PDE6A: variants seen among roughly 807,000 people sequenced by gnomAD.
PDE6A encodes the protein phosphodiesterase 6A, also known as rod cGMP-specific 3',5'-cyclic phosphodiesterase subunit alpha.
In PDE6A, 84 loss-of-function variants were observed where a neutral mutation model predicts 106.3. The observed-to-expected ratio is 0.79, with a 90% CI of 0.66 to 0.95. The LOEUF is 0.95. PDE6A is among the 40% of genes least tolerant of loss of function. The pLI is 0.00. For missense variants in PDE6A, 1,052 were observed against 1,084.9 expected, an observed-to-expected ratio of 0.97 and a Z score of 0.43; for synonymous variants, 394 against 386.6, an observed-to-expected ratio of 1.02 and a Z score of -0.23.
intron 8 of PDE6A, among the ~76,000 whole-genome samples, chr5:149,902,159 A>T (rs976195944): frequency 1.3e-5 from 2 of 152,108 alleles, no homozygotes; most frequent in African/African-American, 2.4e-5. Flanking sequence ...ACCTCTCTAG[A>T]ATCTTCTCCT....
chr5:149,882,319 C>G (rs938264102), intron 17 of PDE6A, among the ~76,000 whole-genome samples: 1 of 151,926 alleles, frequency 6.6e-6, no homozygotes, highest in Non-Finnish European at 1.5e-5. Context: ...ATTTGCAATG[C>G]TTGTGACTTA....
At chr5:149,906,740 C>T (rs1381686772) in intron 7 of PDE6A, among the ~76,000 whole-genome samples, 2 of 151,714 alleles carry the variant, frequency 1.3e-5, no homozygotes, top group Admixed American at 6.6e-5. Context: ...TTTATGACCC[C>T]ATCTGCCTAA....
chr5:149,925,455 C>A (rs1225569187), intron 4 of PDE6A, among the ~76,000 whole-genome samples: 1 of 152,118 alleles, frequency 6.6e-6, no homozygotes, highest in Non-Finnish European at 1.5e-5. Context: ...GCCTGTAATA[C>A]CAGCACTTTG....
At position 149,877,606 on chromosome 5, in the gene PDE6A, C is replaced by T. The variant is rs187516837; in HGVS notation, c.2135+5823G>A. On this transcript the variant is annotated intron_variant, in intron 17 of 21. Coordinates refer to ENST00000255266, the MANE Select transcript of PDE6A (RefSeq NM_000440.3). ...TGTATTTTTAGTAGAGATGGAGACTCCCCATGTCGGCCAGACTGGTCTCGA... is the reference window on the plus strand; with the variant it reads ...TGTATTTTTAGTAGAGATGGAGACTTCCCATGTCGGCCAGACTGGTCTCGA... Among the ~76,000 whole-genome samples the T allele has an allele frequency of 2.0e-5, 3 of 152,214 alleles. 1 individual carries two copies. Among genetic ancestry groups the T allele is most frequent in the Admixed American group, 1.3e-4 (2 of 15,294 alleles).
intron 8 of PDE6A, among the ~76,000 whole-genome samples, chr5:149,902,427 T>C (rs10036165): frequency 0.41 from 61,740 of 151,578 alleles, 16,445 homozygotes; most frequent in African/African-American, 0.76. Context: ...AAGACTATGC[T>C]TGTCTGGCCC....
intron 1 of PDE6A, among the ~76,000 whole-genome samples, chr5:149,938,307 C>T (rs1376395934): frequency 6.6e-6 from 1 of 151,934 alleles, no homozygotes; most frequent in Non-Finnish European, 1.5e-5. Context: ...TTCTAGCCTG[C>T]TAGGTCTCAG....
chr5:149,924,606 C>T (rs1753822477), intron 4 of PDE6A, among the ~76,000 whole-genome samples: 1 of 152,132 alleles, frequency 6.6e-6, no homozygotes, highest in Admixed American at 6.5e-5. Context: ...ATTCCTACTT[C>T]TGTTCATGAT....
chr5:149,885,451 T>C (rs1561710128), intron 14 of PDE6A, among the ~76,000 whole-genome samples: 1 of 152,228 alleles, frequency 6.6e-6, no homozygotes, highest in Non-Finnish European at 1.5e-5. Flanking sequence ...TCCAATGAGA[T>C]CATGGTTCAA....
intron 4 of PDE6A, among the ~76,000 whole-genome samples, chr5:149,924,452 A>ATAT (rs557284769): frequency 1.0e-4 from 15 of 149,218 alleles, no homozygotes; most frequent in East Asian, 3.9e-4. Flanking sequence ...TAGAAATAGA[A>ATAT]ATATATATAT....
chr5:149,914,318 C>A (rs993298046), intron 6 of PDE6A, among the ~76,000 whole-genome samples: 1 of 152,216 alleles, frequency 6.6e-6, no homozygotes, highest in Non-Finnish European at 1.5e-5. Context: ...CTCTAACCAA[C>A]TGTGGGGTCT....
chr5:149,942,585 G>A (rs772946987), intron 1 of PDE6A, among the ~76,000 whole-genome samples: 2 of 152,036 alleles, frequency 1.3e-5, no homozygotes, highest in African/African-American at 2.4e-5. Flanking sequence ...AGAGCAGTGG[G>A]CCCAGGGGAC....
chr5:149,944,430 T>C lies in PDE6A; in HGVS notation c.244A>G (p.Met82Val). Residue 82 changes from methionine (M) to valine (V), a missense_variant, in exon 1 of 22, where the codon ATG becomes GTG. By Grantham distance (21) the Met-to-Val change is conservative. Around this residue, in one of 3 missense-constraint regions of PDE6A, gnomAD observed 913 missense variants for 915.2 expected, o/e 1.00. Coordinates refer to ENST00000255266, the MANE Select transcript of PDE6A (RefSeq NM_000440.3). ...TGCAGGAGGAAGCACAGCTTCTTCA[T>C]GACATTGAAGATGCATTTCTCTGTC... ...LQTEKCIFNV[M>V]KKLCFLLQAD... 6.2e-7 allele frequency: 1 copy of C among 1,614,052 alleles called. No homozygotes were observed. Among genetic ancestry groups the C allele is most frequent in the Non-Finnish European group, 8.5e-7 (1 of 1,179,898 alleles).
intron 3 of PDE6A, chr5:149,932,238 C>T (rs1581210230): frequency 7.1e-7 from 1 of 1,400,674 alleles, no homozygotes; most frequent in East Asian, 2.3e-5. Flanking sequence ...AGAATCATTT[C>T]TGACCAGCTG....
chr5:149,879,505 A>G (rs1330642887), intron 17 of PDE6A, among the ~76,000 whole-genome samples: 1 of 150,836 alleles, frequency 6.6e-6, no homozygotes, highest in Non-Finnish European at 1.5e-5. Flanking sequence ...TACATGTGCC[A>G]TGCTGGTGCA....
At chr5:149,933,887 G>T (rs1297502979) in intron 3 of PDE6A, 43 bp downstream of exon 3, 1 of 1,428,014 alleles carries the variant, frequency 7.0e-7, no homozygotes, top group Non-Finnish European at 9.8e-7. Context: ...ATGCTTCAGG[G>T]AAAGGACGAG....
At chr5:149,922,404 C>T (rs373496263) in intron 4 of PDE6A, among the ~76,000 whole-genome samples, 103 of 152,160 alleles carry the variant, frequency 6.8e-4, no homozygotes, top group Non-Finnish European at 1.1e-3. Context: ...CTCCACCTCC[C>T]GGGTTCTAGC....
At chr5:149,908,255 C>G (rs1368852846) in intron 6 of PDE6A, among the ~76,000 whole-genome samples, 1 of 152,224 alleles carries the variant, frequency 6.6e-6, no homozygotes, top group Non-Finnish European at 1.5e-5. Flanking sequence ...CCCATCCCTT[C>G]ACTTAGGGGC....
intron 8 of PDE6A, 55 bp downstream of exon 8, chr5:149,903,593 C>G: frequency 1.5e-6 from 2 of 1,376,598 alleles, no homozygotes; most frequent in Non-Finnish European, 2.1e-6. Context: ...TTCTAATGCT[C>G]TTTGGGGAGG....
chr5:149,887,792 A>C (rs903590508), intron 13 of PDE6A, among the ~76,000 whole-genome samples: 5 of 151,982 alleles, frequency 3.3e-5, no homozygotes, highest in Non-Finnish European at 1.5e-5. Flanking sequence ...CATCATGAGA[A>C]CATCTTATCA....
Sources: allele counts gnomAD v4.1 joint callset (sites outside exome capture counted in the v4.1 genomes callset), GRCh38; gene constraint gnomAD v4.1.1; regional missense constraint gnomAD v4.1.1; transcripts MANE v1.5; gene names NCBI Gene and HGNC (gene_info 2026-07-23, HGNC 2026-07-21).